CIMAP1D: variants seen among roughly 807,000 people sequenced by gnomAD.
CIMAP1D encodes the protein CIMAP1 family member D.
chr19:470,973 GC>G, the CIMAP1D span, among the ~76,000 whole-genome samples: 1 of 152,224 alleles, frequency 6.6e-6, no homozygotes, highest in Non-Finnish European at 1.5e-5. Flanking sequence ...CCCGCAGGCA[GC>G]CGGGAATGTC....
At chr19:472,100 T>C in the CIMAP1D span, among the ~76,000 whole-genome samples, 1,188 of 152,350 alleles carry the variant, frequency 7.8e-3, 18 homozygotes, top group African/African-American at 0.027. Context: ...GCAATTTGCC[T>C]GAGTCCAGGC....
the CIMAP1D span, among the ~76,000 whole-genome samples, chr19:472,140 G>A: frequency 6.6e-6 from 1 of 152,332 alleles, no homozygotes; most frequent in Admixed American, 6.5e-5. Context: ...GGTAAGGCAG[G>A]TACAGGTACT....
chr19:466,380 G>T, the CIMAP1D span, among the ~76,000 whole-genome samples: 1 of 142,072 alleles, frequency 7.0e-6, no homozygotes, highest in Admixed American at 6.9e-5. Context: ...GTGGGTGGAT[G>T]GATGAGTGAA....
At chr19:483,262 A>T in the CIMAP1D span, among the ~76,000 whole-genome samples, 1 of 39,186 alleles carries the variant, frequency 2.6e-5, no homozygotes, top group Non-Finnish European at 5.0e-5. Flanking sequence ...CCCCCCCAAC[A>T]CCCACCCCCA....
chr19:475,050 G>A, the CIMAP1D span: 36 of 296,756 alleles, frequency 1.2e-4, no homozygotes, highest in Non-Finnish European at 2.1e-4. Context: ...CCCGGGAGCC[G>A]GCAGAGCTGG....
At chr19:480,580 G>A in the CIMAP1D span, among the ~76,000 whole-genome samples, 1 of 149,510 alleles carries the variant, frequency 6.7e-6, no homozygotes, top group Non-Finnish European at 1.5e-5. Flanking sequence ...AACGATGATG[G>A]AGAAGGAATG....
chr19:472,938 A>C, the CIMAP1D span, among the ~76,000 whole-genome samples: 1 of 103,984 alleles, frequency 9.6e-6, no homozygotes, highest in Non-Finnish European at 2.3e-5. Context: ...AGGCAGAGAT[A>C]CATGGTCACA....
chr19:470,365 C>T, the CIMAP1D span, among the ~76,000 whole-genome samples: 1 of 102,612 alleles, frequency 9.7e-6, no homozygotes, highest in South Asian at 4.5e-4. Flanking sequence ...CGCCACCACG[C>T]CCGGCTAATT....
At chr19:466,329 G>A in the CIMAP1D span, among the ~76,000 whole-genome samples, 4 of 129,632 alleles carry the variant, frequency 3.1e-5, no homozygotes, top group Non-Finnish European at 5.0e-5. Context: ...ATGGTTGGGT[G>A]GAGGGTGGAT....
the CIMAP1D span, chr19:463,762 G>A: frequency 1.6e-5 from 24 of 1,517,838 alleles, no homozygotes; most frequent in Middle Eastern, 9.3e-4. Context: ...AGCCCCTCTC[G>A]CCTTCTAGCC....
chr19:481,510 T>TGGGGAAGGATGAC, the CIMAP1D span, among the ~76,000 whole-genome samples: 1 of 80,210 alleles, frequency 1.2e-5, no homozygotes, highest in Non-Finnish European at 2.2e-5. Flanking sequence ...GGAAGGATGA[T>TGGGGAAGGATGAC]GGGGAAGGAT....
chr19:481,461 TG>T, the CIMAP1D span, among the ~76,000 whole-genome samples: 88 of 31,594 alleles, frequency 2.8e-3, 2 homozygotes, highest in African/African-American at 0.019. Flanking sequence ...GGAAGGATGA[TG>T]GGAAGGATGA....
chr19:467,808 G>T, the CIMAP1D span: 54 of 1,278,182 alleles, frequency 4.2e-5, 1 homozygote, highest in South Asian at 7.1e-4. Flanking sequence ...TGAAGACAGT[G>T]CCTGCCCCAC....
At chr19:490,344 G>A in the CIMAP1D span, 1 of 223,664 alleles carries the variant, frequency 4.5e-6, no homozygotes, top group Non-Finnish European at 8.6e-6. Flanking sequence ...CGACAAGAGT[G>A]AAACTCCAGC....
At chr19:484,329 C>T in the CIMAP1D span, among the ~76,000 whole-genome samples, 3 of 151,970 alleles carry the variant, frequency 2.0e-5, no homozygotes, top group South Asian at 2.1e-4. Context: ...TTAGTAGAGA[C>T]GGGGTTTCTC....
the CIMAP1D span, among the ~76,000 whole-genome samples, chr19:475,477 A>C: frequency 9.1e-3 from 1,381 of 152,316 alleles, 23 homozygotes; most frequent in African/African-American, 0.031. Context: ...TTTGGGGCCC[A>C]GGGTAGCAGT....
chr19:474,687 C>G, the CIMAP1D span: 1 of 1,574,922 alleles, frequency 6.3e-7, no homozygotes, highest in South Asian at 1.2e-5. Flanking sequence ...CCCTCCGTCA[C>G]TCGCCGGCCA....
chr19:484,997 G>A, the CIMAP1D span, among the ~76,000 whole-genome samples: 4 of 152,146 alleles, frequency 2.6e-5, no homozygotes, highest in African/African-American at 7.2e-5. Flanking sequence ...GCTGGGGGCT[G>A]CTGTGGGATG....
the CIMAP1D span, among the ~76,000 whole-genome samples, chr19:480,425 T>G: frequency 4.6e-5 from 7 of 151,190 alleles, 1 homozygote; most frequent in Admixed American, 3.3e-4. Context: ...GGAAGGATGA[T>G]GAGGATGGAT....
Sources: gnomAD v4.1 joint callset for allele counts (sites outside exome capture counted in the v4.1 genomes callset) on GRCh38, gnomAD v4.1.1 for gene constraint, MANE v1.5 for transcripts, NCBI Gene and HGNC (gene_info 2026-07-23, HGNC 2026-07-21) for gene names.